Variants in ROBO2 observed in about 807,000 individuals in gnomAD.
ROBO2 encodes roundabout homolog 2.
ROBO2 carries 53 observed loss-of-function variants against 160.8 expected under a neutral mutation model. That is an observed-to-expected ratio of 0.33 (90% CI 0.26 to 0.41). ROBO2 has a LOEUF of 0.41. ROBO2 is among the 10% of genes least tolerant of loss of function. The pLI, the probability that ROBO2 is intolerant of heterozygous loss-of-function variation, is 1.00. For missense variants in ROBO2, 1,577 were observed against 1,722.4 expected (o/e 0.92, Z 1.49); for synonymous variants, 664 against 611.7 (o/e 1.09, Z -1.26).
chr3:76,544,656 C>T (rs761514121), intron 2 of ROBO2, among the ~76,000 whole-genome samples: 4 of 152,032 alleles, frequency 2.6e-5, no homozygotes, highest in Non-Finnish European at 5.9e-5. Flanking sequence ...AGGACACAGA[C>T]TGTGGAGTCA....
intron 2 of ROBO2, among the ~76,000 whole-genome samples, chr3:77,405,559 G>A (rs78703995): frequency 0.021 from 3,240 of 151,966 alleles, 126 homozygotes; most frequent in African/African-American, 0.074. Flanking sequence ...GTTTGAAAAT[G>A]TTTAGAAGTC....
chr3:77,330,440 T>C (rs1264191895), intron 2 of ROBO2, among the ~76,000 whole-genome samples: 1 of 152,146 alleles, frequency 6.6e-6, no homozygotes, highest in Admixed American at 6.6e-5. Flanking sequence ...ATTGCTTGAA[T>C]CTGGGAGGTG....
intron 2 of ROBO2, among the ~76,000 whole-genome samples, chr3:76,641,906 T>TTTTTA (rs1247736886): frequency 1.3e-5 from 2 of 151,932 alleles, no homozygotes; most frequent in African/African-American, 2.4e-5. Flanking sequence ...CCTGGCTAAT[T>TTTTTA]TTTTATTTTA....
intron 16 of ROBO2, among the ~76,000 whole-genome samples, chr3:77,586,253 A>G (rs556220010): frequency 6.6e-6 from 1 of 152,270 alleles, no homozygotes; most frequent in South Asian, 2.1e-4. Flanking sequence ...GCAGCGTGTC[A>G]TATAACCAAT....
chr3:76,350,487 C>T (rs543411554), intron 2 of ROBO2, among the ~76,000 whole-genome samples: 1 of 151,962 alleles, frequency 6.6e-6, no homozygotes, highest in Non-Finnish European at 1.5e-5. Context: ...TATTTTATAA[C>T]AAGACTTATA....
chr3:77,326,962 A>T (rs746140665), intron 2 of ROBO2, among the ~76,000 whole-genome samples: 36 of 152,218 alleles, frequency 2.4e-4, no homozygotes, highest in Non-Finnish European at 4.4e-4. Context: ...ACCAACATTT[A>T]ACCTTTTGTG....
intron 2 of ROBO2, among the ~76,000 whole-genome samples, chr3:76,845,421 TA>T (rs2068687332): frequency 6.6e-6 from 1 of 152,020 alleles, no homozygotes; most frequent in Non-Finnish European, 1.5e-5. Flanking sequence ...TATATATTTT[TA>T]TATAAACAAT....
intron 2 of ROBO2, among the ~76,000 whole-genome samples, chr3:76,822,530 T>C (rs2066210942): frequency 6.6e-6 from 1 of 152,006 alleles, no homozygotes; most frequent in Non-Finnish European, 1.5e-5. Flanking sequence ...AATTTACTAT[T>C]TCTAAACAAT....
At chr3:77,030,129 A>G (rs1468276914) in intron 2 of ROBO2, among the ~76,000 whole-genome samples, 2 of 152,030 alleles carry the variant, frequency 1.3e-5, no homozygotes, top group African/African-American at 2.4e-5. Flanking sequence ...TATTTTTAGT[A>G]GAGACGGGGT....
chr3:77,312,958 A>C (rs1460240722), intron 2 of ROBO2, among the ~76,000 whole-genome samples: 6 of 152,228 alleles, frequency 3.9e-5, no homozygotes, highest in Admixed American at 3.3e-4. Context: ...CTCATGCTTA[A>C]TTTCATAGCT....
rs191714488 is a variant in ROBO2, at chr3:76,031,791, C to T, written c.109+94189C>T. On this transcript the variant is annotated intron_variant, in intron 2 of 26. Coordinates refer to the ROBO2 transcript ENST00000487694. ...AGTATTTTATTGAGGATTTTTGCAT[C>T]GATGTTCATCAGGGATATTGGTCTA... 4.4e-3 allele frequency among the ~76,000 whole-genome samples: 672 copies of T among 151,614 alleles called. 1 individual carries two copies. Among genetic ancestry groups the T allele is most frequent in the Admixed American group, 9.2e-3 (140 of 15,186 alleles).
chr3:75,957,701 G>C (rs4107927), intron 2 of ROBO2, among the ~76,000 whole-genome samples: 75,985 of 150,274 alleles, frequency 0.51, 19,516 homozygotes, highest in African/African-American at 0.62. Context: ...ACATTACTAA[G>C]AGGGTTTTTT....
rs141079340 is a variant in ROBO2 at position 76,267,018 on chromosome 3, A to C, written c.109+329416A>C. On this transcript the variant is annotated intron_variant, in intron 2 of 26. Transcript: ENST00000487694. ...ATTGTTTCTGAAAATGGAACACTTG[A>C]ATACAATTTTCTCTGTGTGCATGTT... Among the ~76,000 whole-genome samples, 18 of 152,276 alleles carry C rather than the reference A, an allele frequency of 1.2e-4. No homozygotes were observed. In the East Asian group the frequency reaches 2.7e-3, roughly 23 times the overall value.
intron 2 of ROBO2, among the ~76,000 whole-genome samples, chr3:76,606,219 A>G (rs1191471361): frequency 2.0e-5 from 3 of 152,172 alleles, no homozygotes; most frequent in African/African-American, 4.8e-5. Context: ...TAATTTTGCC[A>G]TAAATCTATG....
At chr3:76,352,167 A>G (rs905125158) in intron 2 of ROBO2, among the ~76,000 whole-genome samples, 5 of 151,950 alleles carry the variant, frequency 3.3e-5, no homozygotes, top group Non-Finnish European at 7.4e-5. Context: ...AGTTGAGAAG[A>G]GGTAGTCTTA....
chr3:76,665,989 AT>A lies in ROBO2; in HGVS notation c.110-432024del, dbSNP rs556234091. On this transcript the variant is annotated intron_variant, in intron 2 of 26. Coordinates refer to the ROBO2 transcript ENST00000487694. Reference sequence around the variant, plus strand: ...ATAATATATATAATATATACATGTAATATATATAATATATAATATATACATA... The same window carrying A: ...ATAATATATATAATATATACATGTAAATATATAATATATAATATATACATA... 7.4e-3 allele frequency among the ~76,000 whole-genome samples: 913 copies of A among 122,678 alleles called. 3 individuals are homozygous for A. Among genetic ancestry groups the A allele is most frequent in the Non-Finnish European group, 0.011 (589 of 54,424 alleles). 80.5% of individuals were successfully genotyped at this position (122,678 alleles called of 152,430 possible).
chr3:75,993,298 C>T (rs891370585), intron 2 of ROBO2, among the ~76,000 whole-genome samples: 2 of 152,092 alleles, frequency 1.3e-5, no homozygotes, highest in Admixed American at 1.3e-4. Flanking sequence ...GTGGATCTTT[C>T]TTGTGCTGTT....
intron 2 of ROBO2, among the ~76,000 whole-genome samples, chr3:77,021,936 C>T (rs1578313179): frequency 6.6e-6 from 1 of 152,150 alleles, no homozygotes; most frequent in Admixed American, 6.5e-5. Flanking sequence ...ATGAGAAATA[C>T]ATTTATTTAA....
intron 2 of ROBO2, among the ~76,000 whole-genome samples, chr3:75,974,672 G>A (rs1250953718): frequency 6.6e-6 from 1 of 151,474 alleles, no homozygotes; most frequent in Admixed American, 6.6e-5. Flanking sequence ...CTAATGTTAG[G>A]TAAACATTTA....
Sources: gnomAD v4.1 joint callset for allele counts (sites outside exome capture counted in the v4.1 genomes callset) on GRCh38, gnomAD v4.1.1 for gene constraint, MANE v1.5 for transcripts, NCBI Gene and HGNC (gene_info 2026-07-23, HGNC 2026-07-21) for gene names.